MDGA1: variants seen among roughly 807,000 people sequenced by gnomAD.
MDGA1 encodes MAM domain-containing glycosylphosphatidylinositol anchor protein 1.
MDGA1 carries 54 observed loss-of-function variants against 101.5 expected under a neutral mutation model. The observed-to-expected ratio is 0.53, with a 90% CI of 0.43 to 0.67. MDGA1 has a LOEUF of 0.67. MDGA1 is among the 30% of genes least tolerant of loss of function. MDGA1 has a pLI of 0.00. For synonymous variants in MDGA1, 533 were observed against 558.3 expected, an observed-to-expected ratio of 0.95 and a Z score of 0.64; for missense variants, 1,083 against 1,323.8, an observed-to-expected ratio of 0.82 and a Z score of 2.82.
intron 8 of MDGA1, among the ~76,000 whole-genome samples, chr6:37,649,628 CTG>C (rs546435413): frequency 1.1e-3 from 170 of 152,284 alleles, no homozygotes; most frequent in African/African-American, 3.8e-3. Flanking sequence ...AGCCCTGACT[CTG>C]TGAGACTTTA....
chr6:37,649,118 A>AGGC lies in MDGA1; in HGVS notation c.1755_1757dup (p.Pro586dup), dbSNP rs946564395. 17 of 1,517,454 alleles carry AGGC rather than the reference A, an allele frequency of 1.1e-5. No individual in the cohort carries two copies. Among genetic ancestry groups the AGGC allele is most frequent in the African/African-American group, 2.8e-5 (2 of 70,336 alleles). The allele number at this position is 1,517,454 out of a possible 1,614,324, so 94.0% of individuals were successfully genotyped here. On this transcript the variant is annotated inframe_insertion, in exon 9 of 17. Coordinates refer to ENST00000434837, the MANE Select transcript of MDGA1 (RefSeq NM_153487.4). ...GCGCCTCGGCGGCGGCGGGAACAAC[A>AGGC]GGCGGCGGCGGCAGCAGCTGCCCTT...
chr6:37,679,791 G>T (rs999732605), intron 1 of MDGA1, among the ~76,000 whole-genome samples: 2 of 152,148 alleles, frequency 1.3e-5, no homozygotes, highest in Admixed American at 6.5e-5. Flanking sequence ...AGCCCTCTGA[G>T]GAAGGTACCA....
Position 37,652,170 on chromosome 6 carries a change from G to C in MDGA1, c.1153C>G (p.Leu385Val). The change falls in exon 7 of 17, where the codon CTG becomes GTG. Residue 385 changes from leucine (L) to valine (V), a missense_variant. This residue lies in a region of MDGA1 where 116 missense variants were observed against 196.6 expected (regional missense o/e 0.59). Coordinates refer to ENST00000434837, the MANE Select transcript of MDGA1 (RefSeq NM_153487.4). This position sits in a 1 kb window ranked among gnomAD's most constrained non-coding sequence, Gnocchi z 4.3. The part of the protein sequence containing the change: ...GKPARMSKRL[L>V]VTRNDPELPA... Reference sequence around the variant, plus strand: ...AGCTCAGGATCATTGCGGGTCACCAGCAGCCGCTTGGACATGCGTGCCGGC... The same window carrying C: ...AGCTCAGGATCATTGCGGGTCACCACCAGCCGCTTGGACATGCGTGCCGGC... 6.2e-7 allele frequency: 1 copy of C among 1,613,984 alleles called. No individual in the cohort carries two copies. The highest frequency in any genetic ancestry group is 8.5e-7 in the Non-Finnish European group (1 of 1,179,904).
rs1246087022 is a variant in MDGA1, at chr6:37,677,208, AATG to A, written c.68-13105_68-13103del. ...TATTAAACCAGTGAAAATAAATTAA[AATG>A]ATAAAATCCATTGTGGCCGGGCTGT... On this transcript the variant is annotated intron_variant, in intron 1 of 16. Coordinates refer to ENST00000434837, the MANE Select transcript of MDGA1 (RefSeq NM_153487.4). 3.9e-5 allele frequency among the ~76,000 whole-genome samples: 6 copies of A among 152,190 alleles called. No homozygotes were observed. The East Asian group carries it at 9.6e-4, about 24-fold the overall frequency.
intron 1 of MDGA1, among the ~76,000 whole-genome samples, chr6:37,683,329 A>T (rs1292745334): frequency 2.0e-5 from 3 of 152,222 alleles, no homozygotes; most frequent in Admixed American, 2.0e-4. Flanking sequence ...CCTGGAATGG[A>T]GGCTTGTACA....
Position 37,643,924 on chromosome 6 carries a change from C to G in MDGA1, c.2421G>C (p.Glu807Asp). The change falls in exon 14 of 17, where the codon GAG becomes GAC. Residue 807 changes from glutamate to aspartate, a missense_variant. Glu to Asp is a conservative substitution (Grantham distance 45). Transcript: ENST00000434837. ...CCCCCAGCTCCCGAGGCCTCGATGT[C>G]TCGATGAACATGTAGTAGCCTGCGG... The part of the protein sequence containing the change: ...GTPEGYYMFI[E>D]TSRPRELGDR... The G allele has an allele frequency of 6.2e-7, 1 of 1,613,900 alleles. No individual in the cohort carries two copies. Among genetic ancestry groups the G allele is most frequent in the Non-Finnish European group, 8.5e-7 (1 of 1,179,852 alleles).
intron 6 of MDGA1, among the ~76,000 whole-genome samples, chr6:37,653,572 C>T (rs1240370719): frequency 2.0e-5 from 3 of 152,008 alleles, no homozygotes; most frequent in African/African-American, 7.3e-5. Context: ...TGAATCGATG[C>T]TCTCAGGTAG....
rs947454864 is a variant in MDGA1 at position 37,644,727 on chromosome 6, C to A, written c.2249-78G>T. On this transcript the variant is annotated intron_variant, in intron 12 of 16. Transcript: ENST00000434837. ...GCCCAGCCTCGCCCCTCTCACCCCC[C>A]AGAGGCAGCTCCCATGCATCCAAGC... The A allele has an allele frequency of 5.9e-6, 8 of 1,365,586 alleles. No homozygotes were observed. In the East Asian group the frequency reaches 2.0e-4, roughly 34 times the overall value. The allele number at this position is 1,365,586 out of a possible 1,614,324, so 84.6% of individuals were successfully genotyped here.
chr6:37,646,475 G>A, intron 10 of MDGA1, 100 bp from the exon 11 acceptor site: 1 of 1,005,916 alleles, frequency 9.9e-7, no homozygotes, highest in Non-Finnish European at 1.4e-6. Flanking sequence ...CACCTCCCAG[G>A]GCTGTCTTCA....
At chr6:37,683,994 C>G (rs1411993872) in intron 1 of MDGA1, among the ~76,000 whole-genome samples, 1 of 152,212 alleles carries the variant, frequency 6.6e-6, no homozygotes, top group African/African-American at 2.4e-5. Context: ...CCTCTACACA[C>G]ATATCAAATA....
intron 16 of MDGA1, chr6:37,637,893 G>T: frequency 1.9e-6 from 1 of 528,104 alleles, no homozygotes; most frequent in Non-Finnish European, 3.3e-6. Flanking sequence ...GCCCTGGAAG[G>T]CACACGTTCA....
intron 1 of MDGA1, among the ~76,000 whole-genome samples, chr6:37,694,717 C>G (rs1174111863): frequency 1.3e-5 from 2 of 152,132 alleles, no homozygotes. Context: ...TCAATAAAGA[C>G]TTTTTACCCA....
At chr6:37,673,113 T>G (rs1648595814) in intron 1 of MDGA1, among the ~76,000 whole-genome samples, 1 of 152,190 alleles carries the variant, frequency 6.6e-6, no homozygotes, top group Non-Finnish European at 1.5e-5. Flanking sequence ...TCAGCGAGGT[T>G]ATATAAGTTA....
At chr6:37,641,942 C>G (rs989223446) in intron 14 of MDGA1, 1 of 152,158 alleles carries the variant, frequency 6.6e-6, no homozygotes, top group African/African-American at 2.4e-5. Context: ...TGACCCATCA[C>G]CCTAGCTGTG....
intron 1 of MDGA1, among the ~76,000 whole-genome samples, chr6:37,694,508 T>C (rs1406807748): frequency 2.6e-5 from 4 of 152,174 alleles, no homozygotes; most frequent in African/African-American, 7.2e-5. Context: ...TTCTTCTGCT[T>C]CGCGGGTACA....
intron 1 of MDGA1, among the ~76,000 whole-genome samples, chr6:37,686,754 G>A (rs142386848): frequency 6.3e-4 from 96 of 152,232 alleles, no homozygotes; most frequent in African/African-American, 2.2e-3. Flanking sequence ...AACCTTCCAG[G>A]TTATTCTAAC....
At chr6:37,642,643 AC>A (rs767531611) in intron 14 of MDGA1, among the ~76,000 whole-genome samples, 28 of 152,278 alleles carry the variant, frequency 1.8e-4, no homozygotes, top group Non-Finnish European at 1.3e-4. Flanking sequence ...AAGTAAACAA[AC>A]AAAAACAATT....
rs544640454 is a variant in MDGA1 at position 37,646,431 on chromosome 6, A to T, written c.2047-56T>A. 6.4e-5 allele frequency: 89 copies of T among 1,396,064 alleles called. No individual in the cohort carries two copies. In the African/African-American group the frequency reaches 1.2e-3, roughly 18 times the overall value. 86.5% of individuals were successfully genotyped at this position (1,396,064 alleles called of 1,614,324 possible). A position where few individuals can be genotyped will look rare whatever the true frequency, so the allele number is the denominator to read the frequency against. On this transcript the variant is annotated intron_variant, in intron 10 of 16. Transcript: ENST00000434837. The stretch of plus-strand genomic sequence containing the variant: ...AGGAAGTCAGGCCCTCAGTTTCCTC[A>T]TCTGTGAGACAGGACAATCACCCCT...
rs182688326 is a variant in MDGA1, at chr6:37,694,939, G to A, written c.67+1806C>T. On this transcript the variant is annotated intron_variant, in intron 1 of 16. Transcript: ENST00000434837. Reference sequence around the variant, plus strand: ...CCTATGGCTGAATCCTGGCCCTAGAGTACTCTGAAATGAGGGTCCACAGAG... The same window carrying A: ...CCTATGGCTGAATCCTGGCCCTAGAATACTCTGAAATGAGGGTCCACAGAG... Among the ~76,000 whole-genome samples the A allele has an allele frequency of 1.1e-4, 17 of 152,146 alleles. No homozygotes were observed. In the East Asian group the frequency reaches 3.3e-3, roughly 29 times the overall value.
Sources: allele counts gnomAD v4.1 joint callset (sites outside exome capture counted in the v4.1 genomes callset), GRCh38; gene constraint gnomAD v4.1.1; regional missense constraint gnomAD v4.1.1; non-coding constraint Gnocchi (gnomAD v3.1); transcripts MANE v1.5; gene names NCBI Gene and HGNC (gene_info 2026-07-23, HGNC 2026-07-21).